The following TMEM272 variants were observed in gnomAD, a reference collection of about 807,000 sequenced individuals.
The protein encoded by TMEM272 is long intergenic non-protein coding RNA 282.
In TMEM272, 8 loss-of-function variants were observed where a neutral mutation model predicts 3.7. The observed-to-expected ratio is 2.17, with a 90% CI of 1.27 to 3.91. The LOEUF (loss-of-function observed/expected upper bound fraction) is 3.91. TMEM272 is among the 30% of genes most tolerant of loss of function. The pLI, the probability that TMEM272 is intolerant of heterozygous loss-of-function variation, is 0.00. For synonymous variants in TMEM272, 63 were observed against 39.8 expected (o/e 1.58, Z -2.20); for missense variants, 166 against 91.5 (o/e 1.81, Z -3.32).
At chr13:51,831,333 A>G (rs894889422) in intron 2 of TMEM272, among the ~76,000 whole-genome samples, 3 of 152,102 alleles carry the variant, frequency 2.0e-5, no homozygotes, top group Non-Finnish European at 4.4e-5. Flanking sequence ...CTGAGATGGA[A>G]GGATCGCTTG....
intron 2 of TMEM272, among the ~76,000 whole-genome samples, chr13:51,827,663 T>G (rs535199376): frequency 1.3e-5 from 2 of 152,292 alleles, no homozygotes; most frequent in African/African-American, 4.8e-5. Context: ...GTGAACCTCA[T>G]GGTAGCTTCT....
chr13:51,887,374 C>T, the TMEM272 span, among the ~76,000 whole-genome samples: 1 of 151,896 alleles, frequency 6.6e-6, no homozygotes, highest in Non-Finnish European at 1.5e-5. Context: ...AGAATGGGGC[C>T]CCAAGATGGC....
chr13:51,835,145 A>G (rs1956204319), intron 2 of TMEM272, among the ~76,000 whole-genome samples: 1 of 152,234 alleles, frequency 6.6e-6, no homozygotes, highest in Admixed American at 6.5e-5. Context: ...ACATGTGGAT[A>G]GGGACAGCAC....
At chr13:51,838,406 G>C in intron 2 of TMEM272, 67 bp downstream of exon 2, 1 of 702,970 alleles carries the variant, frequency 1.4e-6, no homozygotes, top group Non-Finnish European at 2.6e-6. Context: ...TCCAGCTTTA[G>C]CTCATCGGGT....
At chr13:51,863,767 A>C in the TMEM272 span, among the ~76,000 whole-genome samples, 2 of 152,128 alleles carry the variant, frequency 1.3e-5, no homozygotes, top group East Asian at 3.9e-4. Context: ...AAATGGAAAA[A>C]TACAGAGAAA....
the TMEM272 span, chr13:51,933,702 A>C: frequency 6.6e-6 from 1 of 152,232 alleles, no homozygotes; most frequent in Non-Finnish European, 1.5e-5. Flanking sequence ...ATTTCCTCCA[A>C]GCCACACAAG....
At chr13:51,834,974 G>C (rs1260096339) in intron 2 of TMEM272, among the ~76,000 whole-genome samples, 1 of 152,140 alleles carries the variant, frequency 6.6e-6, no homozygotes, top group Non-Finnish European at 1.5e-5. Flanking sequence ...GTGCCAGATG[G>C]GGAGGCTGGG....
chr13:51,830,628 A>T (rs1276733345), intron 2 of TMEM272, among the ~76,000 whole-genome samples: 1 of 152,156 alleles, frequency 6.6e-6, no homozygotes, highest in Non-Finnish European at 1.5e-5. Context: ...TACTATTATT[A>T]TTTTCCATTC....
the TMEM272 span, among the ~76,000 whole-genome samples, chr13:51,858,596 AGT>A: frequency 6.6e-6 from 1 of 152,208 alleles, no homozygotes; most frequent in Non-Finnish European, 1.5e-5. Context: ...GACGCAGGTA[AGT>A]GTACTTAGAT....
the TMEM272 span, among the ~76,000 whole-genome samples, chr13:51,851,594 G>A: frequency 1.4e-5 from 2 of 143,102 alleles, no homozygotes; most frequent in Non-Finnish European, 3.0e-5. Flanking sequence ...GCATGTCCTC[G>A]GCTCACCACA....
the TMEM272 span, among the ~76,000 whole-genome samples, chr13:51,867,707 G>C: frequency 6.6e-6 from 1 of 152,154 alleles, no homozygotes; most frequent in Non-Finnish European, 1.5e-5. Flanking sequence ...TCAGAGAGCA[G>C]TGGGAGCAGC....
the TMEM272 span, among the ~76,000 whole-genome samples, chr13:51,922,038 T>C: frequency 1.3e-5 from 2 of 152,186 alleles, no homozygotes; most frequent in Non-Finnish European, 2.9e-5. Context: ...TTAACGTCTT[T>C]GTTTTCTTGT....
the TMEM272 span, among the ~76,000 whole-genome samples, chr13:51,873,848 G>C: frequency 1.3e-5 from 2 of 152,234 alleles, no homozygotes; most frequent in African/African-American, 2.4e-5. Context: ...AAGGTGAAGA[G>C]AGCAGAGACT....
At chr13:51,907,410 G>C in the TMEM272 span, among the ~76,000 whole-genome samples, 1 of 151,980 alleles carries the variant, frequency 6.6e-6, no homozygotes, top group Non-Finnish European at 1.5e-5. Flanking sequence ...CTAACCAGTC[G>C]AGAGCTCATG....
chr13:51,883,377 C>T, the TMEM272 span, among the ~76,000 whole-genome samples: 1 of 152,128 alleles, frequency 6.6e-6, no homozygotes, highest in Non-Finnish European at 1.5e-5. Flanking sequence ...ACGTGAGCAT[C>T]GAAGAGTGAG....
chr13:51,882,645 G>C, the TMEM272 span, among the ~76,000 whole-genome samples: 1 of 151,824 alleles, frequency 6.6e-6, no homozygotes, highest in Non-Finnish European at 1.5e-5. Context: ...ATATTAAAGT[G>C]GCTTCAGAAA....
chr13:51,881,435 A>G, the TMEM272 span, among the ~76,000 whole-genome samples: 1 of 144,262 alleles, frequency 6.9e-6, no homozygotes, highest in East Asian at 2.1e-4. Context: ...AGAATTTGAA[A>G]TCAACCTATC....
chr13:51,908,317 G>T, the TMEM272 span: 1 of 1,294,344 alleles, frequency 7.7e-7, no homozygotes, highest in Non-Finnish European at 1.1e-6. Context: ...GGGTGGGGGT[G>T]GGGGCAAAAT....
At chr13:51,865,494 AG>A in the TMEM272 span, 2 of 1,614,238 alleles carry the variant, frequency 1.2e-6, no homozygotes, top group Non-Finnish European at 1.7e-6. Context: ...ATTCGCCAGA[AG>A]AAACTAATGC....
Sources: gnomAD v4.1 joint callset for allele counts (sites outside exome capture counted in the v4.1 genomes callset) on GRCh38, gnomAD v4.1.1 for gene constraint, MANE v1.5 for transcripts, NCBI Gene and HGNC (gene_info 2026-07-23, HGNC 2026-07-21) for gene names.